The following CDH13 variants were observed in gnomAD, a reference collection of about 807,000 sequenced individuals.
CDH13 encodes the protein cadherin-13.
In CDH13, 24 loss-of-function variants were observed where a neutral mutation model predicts 63.8. The observed-to-expected ratio is 0.38, with a 90% CI of 0.27 to 0.53. CDH13 has a LOEUF of 0.53. Among genes scored for constraint, CDH13 ranks in the 20% least tolerant of loss-of-function variants. CDH13 has a pLI of 0.85. For missense variants in CDH13, 1,049 were observed against 903.1 expected (o/e 1.16, Z -2.07); for synonymous variants, 503 against 355.3 (o/e 1.42, Z -4.67).
intron 5 of CDH13, among the ~76,000 whole-genome samples, chr16:83,307,472 T>A (rs1446397571): frequency 1.3e-5 from 2 of 152,192 alleles, no homozygotes; most frequent in Middle Eastern, 3.2e-3. Context: ...TGTCTGTAGT[T>A]GTGTGGGCAG....
chr16:83,645,990 C>G (rs757258953), intron 8 of CDH13, among the ~76,000 whole-genome samples: 1 of 152,154 alleles, frequency 6.6e-6, no homozygotes, highest in South Asian at 2.1e-4. Context: ...GGGGAAATGT[C>G]TGCTGTAGGT....
At chr16:83,488,248 G>T (rs530840764) in intron 7 of CDH13, among the ~76,000 whole-genome samples, 143 of 152,290 alleles carry the variant, frequency 9.4e-4, no homozygotes, top group African/African-American at 3.2e-3. Context: ...AGGTTCTACT[G>T]GGCAACAATG....
intron 6 of CDH13, among the ~76,000 whole-genome samples, chr16:83,454,581 A>C (rs1265779285): frequency 6.6e-6 from 1 of 152,200 alleles, no homozygotes; most frequent in Non-Finnish European, 1.5e-5. Context: ...GTAATGGTCC[A>C]TCAAGTAGCT....
intron 4 of CDH13, among the ~76,000 whole-genome samples, chr16:83,208,081 C>A (rs1211530269): frequency 1.3e-5 from 2 of 152,088 alleles, no homozygotes; most frequent in African/African-American, 4.8e-5. Flanking sequence ...CTCCATTTGA[C>A]CTTGGTGATG....
At chr16:82,706,224 G>T (rs144837814) in intron 1 of CDH13, among the ~76,000 whole-genome samples, 1 of 151,948 alleles carries the variant, frequency 6.6e-6, no homozygotes, top group Non-Finnish European at 1.5e-5. Context: ...TACCAGGCAC[G>T]ATGCAAGGCA....
At position 83,327,785 on chromosome 16, in the gene CDH13, G is replaced by C. The variant is rs74034151; in HGVS notation, c.637-17077G>C. Among the ~76,000 whole-genome samples, 1,469 of 152,182 alleles carry C rather than the reference G, an allele frequency of 9.7e-3. 20 individuals carry two copies. Among genetic ancestry groups the C allele is most frequent in the African/African-American group, 0.034 (1,411 of 41,538 alleles). ...CAAGTCATGAAAACTCTTTGGAAAAGAAAAAAGTCTTATAGGTGAGGAACC... is the reference window on the plus strand; with the variant it reads ...CAAGTCATGAAAACTCTTTGGAAAACAAAAAAGTCTTATAGGTGAGGAACC... On this transcript the variant is annotated intron_variant, in intron 5 of 13. Coordinates refer to ENST00000567109, the MANE Select transcript of CDH13 (RefSeq NM_001257.5).
At chr16:83,258,780 G>T (rs1906609629) in intron 5 of CDH13, among the ~76,000 whole-genome samples, 1 of 152,194 alleles carries the variant, frequency 6.6e-6, no homozygotes, top group Non-Finnish European at 1.5e-5. Flanking sequence ...TTAATTAAAA[G>T]TTAATGGCAC....
At chr16:83,487,981 T>C (rs59163253) in intron 7 of CDH13, among the ~76,000 whole-genome samples, 1,774 of 152,358 alleles carry the variant, frequency 0.012, 27 homozygotes, top group African/African-American at 0.041. Context: ...AGCCATCATA[T>C]AGCAGTTGGC....
chr16:83,550,584 C>T (rs1055778451), intron 7 of CDH13, among the ~76,000 whole-genome samples: 6 of 152,212 alleles, frequency 3.9e-5, no homozygotes, highest in Non-Finnish European at 7.3e-5. Context: ...TGGGGGATTC[C>T]TGCTGATGCA....
At chr16:82,851,688 T>A (rs1042446701) in intron 1 of CDH13, among the ~76,000 whole-genome samples, 6 of 151,758 alleles carry the variant, frequency 4.0e-5, no homozygotes, top group Non-Finnish European at 8.8e-5. Flanking sequence ...TGTGTGTGTG[T>A]GTGTGTGTGT....
At chr16:83,434,856 CGTGTGTGTGTGTGT>C (rs951360129) in intron 6 of CDH13, among the ~76,000 whole-genome samples, 1 of 79,944 alleles carries the variant, frequency 1.3e-5, no homozygotes, top group African/African-American at 4.8e-5. Context: ...TATGTGTGTG[CGTGTGTGTGTGTGT>C]GTGTGTGTGT....
Position 82,852,902 on chromosome 16 carries a change from G to GA in CDH13, c.46-5454dup, listed in dbSNP as rs566733664. On this transcript the variant is annotated intron_variant, in intron 1 of 13. Coordinates refer to ENST00000567109, the MANE Select transcript of CDH13 (RefSeq NM_001257.5). ...CAACCTACAGTATGGGAGAGAAAAAGAAAAAATCCTTTCTCTGGAAGCAAA... is the reference window on the plus strand; with the variant it reads ...CAACCTACAGTATGGGAGAGAAAAAGAAAAAAATCCTTTCTCTGGAAGCAAA... Among the ~76,000 whole-genome samples, 543 of 151,972 alleles carry GA rather than the reference G, an allele frequency of 3.6e-3. 2 individuals carry two copies. Among genetic ancestry groups the GA allele is most frequent in the Middle Eastern group, 0.014 (4 of 294 alleles).
chr16:83,423,666 C>T (rs1243652083), intron 6 of CDH13, among the ~76,000 whole-genome samples: 1 of 152,192 alleles, frequency 6.6e-6, no homozygotes, highest in Non-Finnish European at 1.5e-5. Context: ...CAATCATGAT[C>T]ATATGTCTGT....
chr16:83,121,538 T>C (rs28587344), intron 3 of CDH13, among the ~76,000 whole-genome samples: 2,744 of 152,326 alleles, frequency 0.018, 72 homozygotes, highest in African/African-American at 0.062. Flanking sequence ...GGTGAGGGCA[T>C]TGGAGTGATG....
intron 2 of CDH13, among the ~76,000 whole-genome samples, chr16:82,860,310 A>G (rs183689826): frequency 6.4e-5 from 9 of 141,630 alleles, no homozygotes; most frequent in African/African-American, 2.4e-4. Context: ...GCTGGAAACA[A>G]TCATACTTTG....
At chr16:83,559,644 A>T (rs34051491) in intron 7 of CDH13, among the ~76,000 whole-genome samples, 29,074 of 151,388 alleles carry the variant, frequency 0.19, 2,866 homozygotes, top group Admixed American at 0.25. Flanking sequence ...AGAGAGAGGG[A>T]GGGAGGGAGC....
chr16:83,215,511 A>G (rs1184490868), intron 4 of CDH13, among the ~76,000 whole-genome samples: 3 of 152,036 alleles, frequency 2.0e-5, no homozygotes, highest in East Asian at 3.9e-4. Flanking sequence ...GAAAAAAAAA[A>G]AACCTGTAAT....
chr16:83,105,862 A>T (rs974446431), intron 3 of CDH13, among the ~76,000 whole-genome samples: 30 of 152,294 alleles, frequency 2.0e-4, no homozygotes, highest in Non-Finnish European at 3.4e-4. Flanking sequence ...AGGAGGGAGA[A>T]AGTAGTGAGT....
chr16:82,784,088 G>T (rs1278321263), intron 1 of CDH13, among the ~76,000 whole-genome samples: 2 of 151,746 alleles, frequency 1.3e-5, no homozygotes, highest in Admixed American at 6.6e-5. Context: ...GTTCAGATGG[G>T]CCAAGTTGCA....
Sources: gnomAD v4.1 joint callset for allele counts (sites outside exome capture counted in the v4.1 genomes callset) on GRCh38, gnomAD v4.1.1 for gene constraint, MANE v1.5 for transcripts, NCBI Gene and HGNC (gene_info 2026-07-23, HGNC 2026-07-21) for gene names.